FLT1: variants seen among roughly 807,000 people sequenced by gnomAD.
FLT1 encodes fms related receptor tyrosine kinase 1.
In FLT1, 49 loss-of-function variants were observed where a neutral mutation model predicts 156.3. The ratio of observed to expected loss-of-function variants is 0.31; its 90% CI spans 0.25 to 0.40. The LOEUF (loss-of-function observed/expected upper bound fraction) is 0.40, where lower values mean the gene tolerates loss of function less well. Ranked by LOEUF, FLT1 falls within the 10% of genes least tolerant of loss-of-function variation. The pLI is 1.00. For missense variants in FLT1, 1,322 were observed against 1,637.2 expected (o/e 0.81, Z 3.32); for synonymous variants, 594 against 583.8 (o/e 1.02, Z -0.25).
intron 15 of FLT1, among the ~76,000 whole-genome samples, chr13:28,353,767 T>C (rs1872809279): frequency 6.6e-6 from 1 of 152,190 alleles, no homozygotes; most frequent in Non-Finnish European, 1.5e-5. Flanking sequence ...GAATTTCCCC[T>C]TTGAGAGCTT....
chr13:28,303,301 A>G lies in FLT1; in HGVS notation c.3883T>C (p.Ser1295Pro). 1 of 1,614,140 alleles carries G rather than the reference A, an allele frequency of 6.2e-7. No homozygotes were observed. The highest frequency in any genetic ancestry group is 8.5e-7 in the Non-Finnish European group (1 of 1,180,040). The stretch of plus-strand genomic sequence containing the variant: ...CCTTCGCTGACGTGCCCACAGCTGG[A>G]ATGGCAGAAACTGGGCCTGCTGACA... ...SDVSRPSFCH[S>P]SCGHVSEGKR... The change falls in exon 30 of 30, where the codon TCC (serine) becomes CCC (proline). Residue 1295 changes from serine (S) to proline (P), a missense_variant. Physicochemically the swap from Ser to Pro is moderately conservative, Grantham distance 74. Transcript: ENST00000282397.
At chr13:28,357,268 A>C (rs990790971) in intron 15 of FLT1, among the ~76,000 whole-genome samples, 11 of 151,954 alleles carry the variant, frequency 7.2e-5, no homozygotes, top group African/African-American at 2.7e-4. Flanking sequence ...GGCAGGGCGT[A>C]ATAACACAGT....
chr13:28,412,274 C>T (rs971472796), intron 10 of FLT1, among the ~76,000 whole-genome samples: 3 of 152,132 alleles, frequency 2.0e-5, no homozygotes, highest in African/African-American at 7.2e-5. Flanking sequence ...TCTGCAAACA[C>T]TATCTTTCCC....
chr13:28,338,706 C>T (rs1872213388), intron 17 of FLT1, among the ~76,000 whole-genome samples: 1 of 152,170 alleles, frequency 6.6e-6, no homozygotes, highest in Non-Finnish European at 1.5e-5. Flanking sequence ...AACTCTTTCA[C>T]CGAATGTTTG....
intron 4 of FLT1, among the ~76,000 whole-genome samples, chr13:28,434,962 C>A (rs9508035): frequency 0.77 from 117,767 of 152,164 alleles, 45,735 homozygotes; most frequent in African/African-American, 0.79. Context: ...CATCATCCAG[C>A]GCTTTTAACA....
At chr13:28,311,815 G>T in intron 26 of FLT1, 83 bp from the exon 27 acceptor site, 1 of 1,457,638 alleles carries the variant, frequency 6.9e-7, no homozygotes, top group Non-Finnish European at 9.6e-7. Flanking sequence ...CTTTGACTAT[G>T]TCATTTGCAC....
chr13:28,303,696 G>A (rs368417667), intron 29 of FLT1, among the ~76,000 whole-genome samples: 2 of 152,094 alleles, frequency 1.3e-5, no homozygotes, highest in African/African-American at 4.8e-5. Context: ...GGGTCAAACA[G>A]CTTCTGTGGT....
At chr13:28,487,955 A>G (rs983974579) in intron 1 of FLT1, among the ~76,000 whole-genome samples, 2 of 151,592 alleles carry the variant, frequency 1.3e-5, no homozygotes, top group Non-Finnish European at 2.9e-5. Flanking sequence ...CAAGTACAAG[A>G]TTTTGTAAAG....
At chr13:28,387,135 A>G in intron 13 of FLT1, 1 of 1,035,946 alleles carries the variant, frequency 9.7e-7, no homozygotes, top group Non-Finnish European at 1.2e-6. Flanking sequence ...TATTTGTACT[A>G]CACAAACTTC....
At chr13:28,476,183 G>C (rs1880534968) in intron 1 of FLT1, among the ~76,000 whole-genome samples, 1 of 152,094 alleles carries the variant, frequency 6.6e-6, no homozygotes, top group South Asian at 2.1e-4. Context: ...CTCTCCATGA[G>C]AACGTCAAGT....
In FLT1 at chr13:28,379,337, A is replaced by C. The variant is rs534333224; in HGVS notation, c.2116+5548T>G. 6.0e-4 allele frequency among the ~76,000 whole-genome samples: 91 copies of C among 152,322 alleles called. 1 individual carries two copies. The highest frequency in any genetic ancestry group is 2.0e-3 in the African/African-American group (82 of 41,568). Reference sequence around the variant, plus strand: ...CGACAGCGCAAGACTCCATCTCAAAAAAAACAAAACAAAACAAAAAAGCAT... The same window carrying C: ...CGACAGCGCAAGACTCCATCTCAAACAAAACAAAACAAAACAAAAAAGCAT... On this transcript the variant is annotated intron_variant, in intron 14 of 29. Transcript: ENST00000282397.
intron 23 of FLT1, 137 bp downstream of exon 23, chr13:28,321,326 A>T (rs1871452102): frequency 8.4e-6 from 9 of 1,076,740 alleles, no homozygotes; most frequent in Non-Finnish European, 1.3e-5. Context: ...GATGCCGCTC[A>T]TCTGGACTGT....
chr13:28,414,155 G>A (rs562514528), intron 10 of FLT1, among the ~76,000 whole-genome samples: 3 of 152,310 alleles, frequency 2.0e-5, no homozygotes, highest in Admixed American at 6.5e-5. Flanking sequence ...GTCCCGCAGC[G>A]TATGAGAGAA....
At chr13:28,323,157 CA>C (rs1348213746) in intron 20 of FLT1, among the ~76,000 whole-genome samples, 1 of 151,364 alleles carries the variant, frequency 6.6e-6, no homozygotes, top group Non-Finnish European at 1.5e-5. Flanking sequence ...GGCTTCTAGA[CA>C]GCATCTTAGA....
chr13:28,352,780 TTA>T (rs1162880407), intron 15 of FLT1, among the ~76,000 whole-genome samples: 3 of 152,184 alleles, frequency 2.0e-5, no homozygotes. Context: ...TTCATGCGAA[TTA>T]GTTTATCACA....
intron 25 of FLT1, among the ~76,000 whole-genome samples, chr13:28,314,830 C>T (rs1395607036): frequency 6.6e-6 from 1 of 152,202 alleles, no homozygotes; most frequent in East Asian, 1.9e-4. Context: ...AAAATCTCTC[C>T]CTCCTCAGAA....
At chr13:28,385,459 G>A (rs1365156404) in intron 13 of FLT1, 4 of 974,136 alleles carry the variant, frequency 4.1e-6, no homozygotes, top group Non-Finnish European at 4.9e-6. Flanking sequence ...AATTTTGTGT[G>A]AGTTTTGATT....
chr13:28,306,128 C>A (rs544365547), intron 29 of FLT1, among the ~76,000 whole-genome samples: 5 of 152,278 alleles, frequency 3.3e-5, no homozygotes, highest in African/African-American at 9.6e-5. Context: ...GGCAAGGACT[C>A]CCCAGTGGTG....
At chr13:28,489,384 G>A (rs1881351794) in intron 1 of FLT1, among the ~76,000 whole-genome samples, 1 of 152,098 alleles carries the variant, frequency 6.6e-6, no homozygotes, top group South Asian at 2.1e-4. Context: ...CTTTATATTA[G>A]GTGCCAGCGG....
Sources: gnomAD v4.1 joint callset for allele counts (sites outside exome capture counted in the v4.1 genomes callset) on GRCh38, gnomAD v4.1.1 for gene constraint, MANE v1.5 for transcripts, NCBI Gene and HGNC (gene_info 2026-07-23, HGNC 2026-07-21) for gene names.